The following NEK6 variants were observed in gnomAD, a reference collection of about 807,000 sequenced individuals.
The protein encoded by NEK6 is serine/threonine-protein kinase Nek6.
A neutral mutation model predicts 43.5 loss-of-function variants in NEK6; 27 were observed. The observed-to-expected ratio is 0.62, with a 90% CI of 0.46 to 0.86. The LOEUF (loss-of-function observed/expected upper bound fraction) is 0.86, where lower values mean the gene tolerates loss of function less well. NEK6 is among the 40% of genes least tolerant of loss of function. NEK6 has a pLI of 0.00. For synonymous variants in NEK6, 167 were observed against 164.1 expected (o/e 1.02, Z -0.14); for missense variants, 318 against 414.4 (o/e 0.77, Z 2.02).
chr9:124,317,106 C>T (rs1833855402), intron 4 of NEK6, among the ~76,000 whole-genome samples: 1 of 152,222 alleles, frequency 6.6e-6, no homozygotes, highest in Non-Finnish European at 1.5e-5. Context: ...GCACTTTCAA[C>T]TTGCCATTCA....
chr9:124,313,282 G>T (rs1833634641), intron 3 of NEK6, among the ~76,000 whole-genome samples: 1 of 152,172 alleles, frequency 6.6e-6, no homozygotes, highest in Non-Finnish European at 1.5e-5. Context: ...GAATGGCGTT[G>T]GGGAAATGGG....
rs1344178019 is a variant in NEK6 at position 124,351,627 on chromosome 9, C to T, written c.*680C>T. The T allele has an allele frequency of 6.6e-6, 1 of 152,224 alleles. No individual in the cohort carries two copies. The highest frequency in any genetic ancestry group is 1.5e-5 in the Non-Finnish European group (1 of 68,066). 9.4% of individuals were successfully genotyped at this position (152,224 alleles called of 1,614,324 possible). On this transcript the variant is annotated 3_prime_UTR_variant, in exon 10 of 10. Transcript: ENST00000320246. ...CTGGACACCTGCTGTGTACCAGGAA[C>T]TTCGTCACCTCCTTGAATGCTGGCG...
intron 1 of NEK6, among the ~76,000 whole-genome samples, chr9:124,274,737 T>G (rs1213648339): frequency 2.0e-5 from 3 of 152,194 alleles, no homozygotes; most frequent in Non-Finnish European, 4.4e-5. Flanking sequence ...TGATAGAATT[T>G]CAGGGGTCTG....
intron 8 of NEK6, among the ~76,000 whole-genome samples, chr9:124,344,001 C>T (rs1829788166): frequency 2.0e-5 from 3 of 152,194 alleles, no homozygotes; most frequent in African/African-American, 4.8e-5. Context: ...AAGGTGTCAG[C>T]GGGCAGGTGC....
intron 9 of NEK6, 22 bp from the exon 10 acceptor site, chr9:124,350,815 C>T (rs1564669352): frequency 6.4e-7 from 1 of 1,561,740 alleles, no homozygotes; most frequent in South Asian, 1.1e-5. Flanking sequence ...TTGAGAATAA[C>T]ACACCATTCT....
At chr9:124,278,228 C>T (rs1464807146) in intron 1 of NEK6, among the ~76,000 whole-genome samples, 9 of 152,176 alleles carry the variant, frequency 5.9e-5, no homozygotes, top group African/African-American at 1.4e-4. Flanking sequence ...GAGGCGAGAC[C>T]GTCTGGGTTT....
chr9:124,333,939 G>A (rs1055596251), intron 7 of NEK6, among the ~76,000 whole-genome samples: 2 of 152,016 alleles, frequency 1.3e-5, no homozygotes, highest in African/African-American at 2.4e-5. Context: ...CACCACACCC[G>A]GCTGATTTTT....
chr9:124,291,886 T>TG lies in NEK6; in HGVS notation c.-29-10045dup, dbSNP rs35996670. On this transcript the variant is annotated intron_variant, in intron 1 of 9. Transcript: ENST00000320246. ...GAGCTATTTTTAGAGCAGCGCATGG[T>TG]GGGGGAGTTTCCTTTTGGCGGTGTC... 5.1e-6 allele frequency: 5 copies of TG among 985,438 alleles called. No homozygotes were observed. The East Asian group carries it at 4.5e-4, about 90-fold the overall frequency. 61.0% of individuals were successfully genotyped at this position (985,438 alleles called of 1,614,324 possible).
intron 1 of NEK6, among the ~76,000 whole-genome samples, chr9:124,289,256 T>C (rs1232630629): frequency 7.0e-6 from 1 of 142,182 alleles, no homozygotes; most frequent in African/African-American, 2.6e-5. Flanking sequence ...GCTCCTTCGC[T>C]GAGGGGAGGG....
chr9:124,343,872 C>T lies in NEK6; in HGVS notation c.718-3837C>T, dbSNP rs1829782620. Among the ~76,000 whole-genome samples, 1 of 152,236 alleles carries T rather than the reference C, an allele frequency of 6.6e-6. No individual in the cohort carries two copies. The highest frequency in any genetic ancestry group is 1.5e-5 in the Non-Finnish European group (1 of 68,046). ...GGCTCAAAAGCCCCTGTGCTCATCC[C>T]TGTGGCTGCAGTGACAGATGCCACC... On this transcript the variant is annotated intron_variant, in intron 8 of 9. Coordinates refer to ENST00000320246, the MANE Select transcript of NEK6 (RefSeq NM_014397.6). This position sits in a 1 kb window ranked among gnomAD's most constrained non-coding sequence, Gnocchi z 5.1.
At chr9:124,286,166 A>G (rs1358871998) in intron 1 of NEK6, among the ~76,000 whole-genome samples, 1 of 152,184 alleles carries the variant, frequency 6.6e-6, no homozygotes, top group Admixed American at 6.5e-5. Context: ...CCGACTGCAC[A>G]GAATGTCTGA....
At position 124,321,359 on chromosome 9, in the gene NEK6, C is replaced by A; in HGVS notation, c.295-100C>A. The A allele has an allele frequency of 5.7e-6, 4 of 701,162 alleles. No homozygotes were observed. In the Admixed American group the frequency reaches 6.6e-5, roughly 12 times the overall value. The allele number at this position is 701,162 out of a possible 1,614,324, so 43.4% of individuals were successfully genotyped here. On this transcript the variant is annotated intron_variant, in intron 4 of 9. Transcript: ENST00000320246. ...CCCACTTCTCTAGCAAATGCCAGGG[C>A]CTCAGTGACCGGGTGCCAGCAGGGT...
At position 124,301,964 on chromosome 9, in the gene NEK6, G is replaced by A. The variant is rs1200966689; in HGVS notation, c.-1G>A. On this transcript the variant is annotated 5_prime_UTR_variant, in exon 2 of 10. Transcript: ENST00000320246. ...GTGCCCTCGTGAGGCTGGCATGCAG[G>A]ATGGCAGGACAGCCCGGCCACATGC... The A allele has an allele frequency of 6.3e-7, 1 of 1,597,180 alleles. No homozygotes were observed. Among genetic ancestry groups the A allele is most frequent in the East Asian group, 2.3e-5 (1 of 44,076 alleles).
intron 1 of NEK6, among the ~76,000 whole-genome samples, chr9:124,295,272 A>T (rs973919885): frequency 6.6e-6 from 1 of 152,184 alleles, no homozygotes; most frequent in Non-Finnish European, 1.5e-5. Context: ...GGCGAGCGTG[A>T]GGGAACACAG....
At chr9:124,264,576 G>T (rs972170878) in intron 1 of NEK6, among the ~76,000 whole-genome samples, 1 of 152,038 alleles carries the variant, frequency 6.6e-6, no homozygotes, top group East Asian at 1.9e-4. Context: ...AGGCCGAGGC[G>T]GGCAGATCAC....
In NEK6 at chr9:124,327,266, C is replaced by G. The variant is rs140919506; in HGVS notation, c.515-72C>G. 2,282 of 1,260,742 alleles carry G rather than the reference C, an allele frequency of 1.8e-3. 7 individuals carry two copies. Among genetic ancestry groups the G allele is most frequent in the African/African-American group, 0.014 (963 of 68,386 alleles). 78.1% of individuals were successfully genotyped at this position (1,260,742 alleles called of 1,614,324 possible). A position where few individuals can be genotyped will look rare whatever the true frequency, so the allele number is the denominator to read the frequency against. ...CTGGGCTAGGCCTCACCTTCCTCCC[C>G]CTTCCTCTCGTCCTGCCCCACCTAC... On this transcript the variant is annotated intron_variant, in intron 6 of 9. Transcript: ENST00000320246.
chr9:124,300,504 G>A (rs1832914291), intron 1 of NEK6, among the ~76,000 whole-genome samples: 1 of 152,158 alleles, frequency 6.6e-6, no homozygotes, highest in Non-Finnish European at 1.5e-5. Context: ...ACAGCAGGAG[G>A]CGGGGTCTGT....
intron 1 of NEK6, among the ~76,000 whole-genome samples, chr9:124,287,225 C>G (rs1832205703): frequency 6.6e-6 from 1 of 152,172 alleles, no homozygotes; most frequent in South Asian, 2.1e-4. Context: ...GATTGGGGCC[C>G]CCAGGTCCTC....
chr9:124,345,011 G>A (rs1829845829), intron 8 of NEK6, among the ~76,000 whole-genome samples: 1 of 152,350 alleles, frequency 6.6e-6, no homozygotes, highest in East Asian at 1.9e-4. Flanking sequence ...TGACAGGCAG[G>A]AGTCAGATTC....
Sources: gnomAD v4.1 joint callset for allele counts (sites outside exome capture counted in the v4.1 genomes callset) on GRCh38, gnomAD v4.1.1 for gene constraint, Gnocchi (gnomAD v3.1) non-coding constraint, MANE v1.5 for transcripts, NCBI Gene and HGNC (gene_info 2026-07-23, HGNC 2026-07-21) for gene names.